Variants in LILRA5 observed in about 807,000 individuals in gnomAD.
LILRA5 encodes leukocyte immunoglobulin-like receptor subfamily A member 5.
Under a neutral mutation model 36.3 loss-of-function variants are expected in LILRA5, and 31 were observed. That is an observed-to-expected ratio of 0.85 (90% CI 0.64 to 1.15). The LOEUF (loss-of-function observed/expected upper bound fraction) is 1.15. LILRA5 is among the 50% of genes most tolerant of loss of function. The pLI is 0.00. For missense variants in LILRA5, 348 were observed against 377.4 expected, an observed-to-expected ratio of 0.92 and a Z score of 0.64; for synonymous variants, 144 against 144.8, an observed-to-expected ratio of 0.99 and a Z score of 0.04.
Position 54,311,951 on chromosome 19 carries a change from C to G in LILRA5, c.322G>C (p.Glu108Gln), listed in dbSNP as rs1490879490. 9 of 1,614,022 alleles carry G rather than the reference C, an allele frequency of 5.6e-6. No individual in the cohort carries two copies. Among genetic ancestry groups the G allele is most frequent in the African/African-American group, 5.3e-5 (4 of 74,932 alleles). Reference sequence around the variant, plus strand: ...CAGCGGTATCTCCCTGCATGGTGCTCTGTCATGGATGGGATGGAGAATCTG... The same window carrying G: ...CAGCGGTATCTCCCTGCATGGTGCTGTGTCATGGATGGGATGGAGAATCTG... ...KARFSIPSMT[E>Q]HHAGRYRCYY... Residue 108 changes from glutamate to glutamine, a missense_variant, in exon 4 of 7, where the codon GAG becomes CAG. Physicochemically the swap from Glu to Gln is conservative, Grantham distance 29. Transcript: ENST00000432233.
rs368832494 is a variant in LILRA5 at position 54,311,518 on chromosome 19, G to T, written c.608C>A (p.Pro203His). Residue 203 changes from proline (P) to histidine (H), a missense_variant, in exon 5 of 7, where the codon CCT becomes CAT. Pro to His is a moderately conservative substitution (Grantham distance 77). Coordinates refer to ENST00000432233, the MANE Select transcript of LILRA5 (RefSeq NM_021250.4). Reference protein sequence around the residue: ...GQFQALFPVGPVTPSHRWMLR... With the variant: ...GQFQALFPVGHVTPSHRWMLR... Reference sequence around the variant, plus strand: ...CATCCACCTGTGGCTGGGGGTCACAGGGCCCACAGGGAACAGGGCCTGGAA... The same window carrying T: ...CATCCACCTGTGGCTGGGGGTCACATGGCCCACAGGGAACAGGGCCTGGAA... The T allele has an allele frequency of 6.2e-7, 1 of 1,614,086 alleles. No homozygotes were observed. Among genetic ancestry groups the T allele is most frequent in the African/African-American group, 1.3e-5 (1 of 74,920 alleles).
chr19:54,308,773 G>C (rs2080952037), intron 5 of LILRA5: 1 of 151,886 alleles, frequency 6.6e-6, no homozygotes, highest in South Asian at 2.1e-4. Flanking sequence ...TGTGAGTCTA[G>C]GTGAGAAGAC....
rs373121733 is a variant in LILRA5, at chr19:54,313,052, A to G, written c.-33T>C. On this transcript the variant is annotated 5_prime_UTR_variant, in exon 1 of 7. The change abolishes the stop of an existing upstream ORF in the 5' untranslated region. Transcript: ENST00000432233. The stretch of plus-strand genomic sequence containing the variant: ...GATTTTTCAGCCCTGGAGATGCTTC[A>G]GGGAAGATGCAGGTCCATGCCACAG... 5.0e-6 allele frequency: 8 copies of G among 1,613,484 alleles called. No homozygotes were observed. In the African/African-American group the frequency reaches 5.3e-5, roughly 11 times the overall value.
intron 1 of LILRA5, 43 bp from the exon 2 acceptor site, chr19:54,312,664 C>G (rs1013996372): frequency 6.3e-7 from 1 of 1,575,302 alleles, no homozygotes; most frequent in African/African-American, 1.3e-5. Context: ...AGCTCGGAGG[C>G]TGGGTCCTTC....
chr19:54,313,026 T>A lies in LILRA5; in HGVS notation c.-7A>T. 1 of 1,610,576 alleles carries A rather than the reference T, an allele frequency of 6.2e-7. No homozygotes were observed. Reference sequence around the variant, plus strand: ...GTTGCGGGGTCCTTACCATGGTCAGTGATTTTTCAGCCCTGGAGATGCTTC... The same window carrying A: ...GTTGCGGGGTCCTTACCATGGTCAGAGATTTTTCAGCCCTGGAGATGCTTC... On this transcript the variant is annotated 5_prime_UTR_variant, in exon 1 of 7. Transcript: ENST00000432233.
chr19:54,311,233 C>T (rs113886486), intron 5 of LILRA5, 181 bp downstream of exon 5: 36 of 1,480,162 alleles, frequency 2.4e-5, no homozygotes, highest in Non-Finnish European at 2.9e-5. Context: ...TGAGATTACA[C>T]GTGTGAGCCA....
At chr19:54,311,074 G>A (rs2081000233) in intron 5 of LILRA5, 1 of 354,428 alleles carries the variant, frequency 2.8e-6, no homozygotes, top group African/African-American at 2.1e-5. Context: ...TCCTGCCTCA[G>A]CCTCCCAAGT....
chr19:54,312,273 C>T (rs1367504653), intron 3 of LILRA5, 62 bp downstream of exon 3: 88 of 1,613,890 alleles, frequency 5.5e-5, no homozygotes, highest in Non-Finnish European at 6.6e-5. Context: ...CCCAGCTGCC[C>T]ATGGGTGGCC....
chr19:54,311,308 C>T (rs2081005983), intron 5 of LILRA5, 106 bp downstream of exon 5: 3 of 1,609,784 alleles, frequency 1.9e-6, no homozygotes, highest in African/African-American at 1.3e-5. Flanking sequence ...TCTGTGTTCT[C>T]CTTCCCCTTT....
intron 1 of LILRA5, 134 bp downstream of exon 1, chr19:54,312,883 C>G: frequency 1.8e-6 from 2 of 1,137,564 alleles, no homozygotes; most frequent in Non-Finnish European, 2.6e-6. Flanking sequence ...CGGGACACAG[C>G]AGCAAATAGA....
At chr19:54,310,682 G>C (rs2080990854) in intron 5 of LILRA5, 1 of 309,096 alleles carries the variant, frequency 3.2e-6, no homozygotes, top group Non-Finnish European at 6.6e-6. Context: ...TCACTTCCAA[G>C]CTCAGGGGGA....
chr19:54,307,288 A>G lies in LILRA5; in HGVS notation c.*125T>C. 1.2e-6 allele frequency: 1 copy of G among 862,246 alleles called. No individual in the cohort carries two copies. The highest frequency in any genetic ancestry group is 1.6e-6 in the Non-Finnish European group (1 of 610,586). 53.4% of individuals were successfully genotyped at this position (862,246 alleles called of 1,614,324 possible). ...AAAAGAAAGAAAAGAAAAGAAAGAA[A>G]AAAAGAAATTGCCAGCAGACAGTCC... On this transcript the variant is annotated 3_prime_UTR_variant, in exon 7 of 7. Transcript: ENST00000432233.
intron 5 of LILRA5, chr19:54,308,040 C>A: frequency 2.3e-6 from 1 of 438,706 alleles, no homozygotes. Context: ...CCCCAGAAGT[C>A]ACTGAGCCCT....
In LILRA5 at chr19:54,307,285, GA is replaced by G. The variant is rs1178522864; in HGVS notation, c.*127del. 126 of 469,716 alleles carry G rather than the reference GA, an allele frequency of 2.7e-4. No homozygotes were observed. Among genetic ancestry groups the G allele is most frequent in the African/African-American group, 2.5e-3 (112 of 44,132 alleles). The allele number at this position is 469,716 out of a possible 1,614,324, so 29.1% of individuals were successfully genotyped here. On this transcript the variant is annotated 3_prime_UTR_variant, in exon 7 of 7. Coordinates refer to ENST00000432233, the MANE Select transcript of LILRA5 (RefSeq NM_021250.4). The stretch of plus-strand genomic sequence containing the variant: ...AAAAAAAGAAAGAAAAGAAAAGAAA[GA>G]AAAAAAGAAATTGCCAGCAGACAGT...
chr19:54,313,108 C>T lies in LILRA5; in HGVS notation c.-89G>A. 7.0e-7 allele frequency: 1 copy of T among 1,438,844 alleles called. No individual in the cohort carries two copies. Among genetic ancestry groups the T allele is most frequent in the Non-Finnish European group, 9.8e-7 (1 of 1,025,222 alleles). 89.1% of individuals were successfully genotyped at this position (1,438,844 alleles called of 1,614,324 possible). A position where few individuals can be genotyped will look rare whatever the true frequency, so the allele number is the denominator to read the frequency against. ...CTCAGATCAGCAGAGACACATCTGA[C>T]ACCTGGCTGTGTAGCCCAGGCTGAG... On this transcript the variant is annotated 5_prime_UTR_variant, in exon 1 of 7. Transcript: ENST00000432233.
Position 54,307,509 on chromosome 19 carries a change from G to T in LILRA5, c.804C>A (p.Arg268=), listed in dbSNP as rs974748579. 1.2e-5 allele frequency: 19 copies of T among 1,613,912 alleles called. No homozygotes were observed. Among genetic ancestry groups the T allele is most frequent in the Non-Finnish European group, 1.6e-5 (19 of 1,179,996 alleles). ...LQDYAVENLI[R]MGMAGLILVV... is the part of the protein sequence containing the mutation. Reference sequence around the variant, plus strand: ...CCAGGATCAAGCCGGCCATGCCCATGCGGATGAGATTCTCTACTGCGTAAT... The same window carrying T: ...CCAGGATCAAGCCGGCCATGCCCATTCGGATGAGATTCTCTACTGCGTAAT... The change falls in exon 7 of 7, where the codon CGC becomes CGA. Residue 268 remains arginine, a synonymous_variant. Coordinates refer to ENST00000432233, the MANE Select transcript of LILRA5 (RefSeq NM_021250.4).
Position 54,311,198 on chromosome 19 carries a change from C to T in LILRA5, c.712+216G>A, listed in dbSNP as rs141062512. The T allele has an allele frequency of 3.9e-5, 52 of 1,331,180 alleles. No individual in the cohort carries two copies. The African/African-American group carries it at 5.3e-4, about 14-fold the overall frequency. 82.5% of individuals were successfully genotyped at this position (1,331,180 alleles called of 1,614,324 possible). On this transcript the variant is annotated intron_variant, in intron 5 of 6. Transcript: ENST00000432233. The stretch of plus-strand genomic sequence containing the variant: ...CTTGAACTCCTGACATCAGGTGATC[C>T]ACCTGCCTCGGCCTCCCAAAGTGCT...
At chr19:54,312,459 C>T in intron 2 of LILRA5, 78 bp downstream of exon 2, 1 of 1,614,006 alleles carries the variant, frequency 6.2e-7, no homozygotes, top group Non-Finnish European at 8.5e-7. Context: ...CTGGAGTTTC[C>T]TGATAGACAA....
chr19:54,312,715 A>G (rs1339108108), intron 1 of LILRA5, 94 bp from the exon 2 acceptor site: 56 of 1,248,500 alleles, frequency 4.5e-5, no homozygotes, highest in Non-Finnish European at 5.5e-5. Context: ...CAGAAAGGGG[A>G]ACTGCTCTCC....
Sources: gnomAD v4.1 joint callset for allele counts on GRCh38, gnomAD v4.1.1 for gene constraint, MANE v1.5 for transcripts, NCBI Gene and HGNC (gene_info 2026-07-23, HGNC 2026-07-21) for gene names.